The following PPFIA2 variants were observed in gnomAD, a reference collection of about 807,000 sequenced individuals.
PPFIA2 encodes liprin-alpha-2.
Under a neutral mutation model 175.5 loss-of-function variants are expected in PPFIA2, and 46 were observed. That is an observed-to-expected ratio of 0.26 (90% CI 0.21 to 0.34). PPFIA2 has a LOEUF of 0.34. PPFIA2 is among the 10% of genes least tolerant of loss of function. The pLI is 1.00. For synonymous variants in PPFIA2, 568 were observed against 511.4 expected, an observed-to-expected ratio of 1.11 and a Z score of -1.49; for missense variants, 1,179 against 1,506.1, an observed-to-expected ratio of 0.78 and a Z score of 3.60.
chr12:81,627,409 T>C (rs1316941032), intron 4 of PPFIA2, among the ~76,000 whole-genome samples: 1 of 152,108 alleles, frequency 6.6e-6, no homozygotes, highest in Non-Finnish European at 1.5e-5. Context: ...CCCATAAATA[T>C]GTGCAACTAT....
intron 21 of PPFIA2, among the ~76,000 whole-genome samples, chr12:81,333,519 A>G (rs539604541): frequency 6.6e-6 from 1 of 152,294 alleles, no homozygotes; most frequent in South Asian, 2.1e-4. Context: ...CTGTTCTTTT[A>G]TCATAGCAGA....
chr12:81,499,359 A>G (rs2060353015), intron 4 of PPFIA2, among the ~76,000 whole-genome samples: 1 of 152,128 alleles, frequency 6.6e-6, no homozygotes. Flanking sequence ...TATCTCTTTC[A>G]TTTTATCTTC....
chr12:81,275,933 T>G (rs928455723), intron 28 of PPFIA2, among the ~76,000 whole-genome samples: 1 of 151,834 alleles, frequency 6.6e-6, no homozygotes, highest in Non-Finnish European at 1.5e-5. Context: ...TACAGGCGCC[T>G]GCCACCACGC....
At chr12:81,559,825 T>G (rs7132233) in intron 4 of PPFIA2, among the ~76,000 whole-genome samples, 37,642 of 151,240 alleles carry the variant, frequency 0.25, 4,863 homozygotes, top group Middle Eastern at 0.31. Flanking sequence ...TGTTGTTGTT[T>G]TTTTGCAATC....
chr12:81,671,870 T>C (rs2071490230), intron 4 of PPFIA2, among the ~76,000 whole-genome samples: 1 of 138,932 alleles, frequency 7.2e-6, no homozygotes, highest in Non-Finnish European at 1.7e-5. Flanking sequence ...TAAATTATTA[T>C]TTTCTATTTG....
At chr12:81,378,387 C>T (rs1023920678) in intron 9 of PPFIA2, among the ~76,000 whole-genome samples, 24 of 151,808 alleles carry the variant, frequency 1.6e-4, no homozygotes, top group African/African-American at 5.3e-4. Context: ...ATTATGTTGA[C>T]ATTAAAGTGC....
At position 81,642,795 on chromosome 12, in the gene PPFIA2, ATATG is replaced by A. The variant is rs1285076447; in HGVS notation, c.303+33992_303+33995del. Among the ~76,000 whole-genome samples the A allele has an allele frequency of 5.8e-5, 2 of 34,372 alleles. 1 individual carries two copies. Among genetic ancestry groups the A allele is most frequent in the Non-Finnish European group, 1.1e-4 (2 of 18,536 alleles). 22.5% of individuals were successfully genotyped at this position (34,372 alleles called of 152,430 possible). A position where few individuals can be genotyped will look rare whatever the true frequency, so the allele number is the denominator to read the frequency against. ...ATGTATGTATTATATACATACATGTATATGTATGTATGTATTACATACATGTATA... is the reference window on the plus strand; with the variant it reads ...ATGTATGTATTATATACATACATGTATATGTATGTATTACATACATGTATA... On this transcript the variant is annotated intron_variant, in intron 4 of 32. Coordinates refer to ENST00000549396, the MANE Select transcript of PPFIA2 (RefSeq NM_003625.5).
At chr12:81,429,529 C>T (rs1353987987) in intron 7 of PPFIA2, among the ~76,000 whole-genome samples, 2 of 151,998 alleles carry the variant, frequency 1.3e-5, no homozygotes, top group African/African-American at 2.4e-5. Context: ...CAGCAAATCT[C>T]CTACTTTCTC....
chr12:81,459,309 C>A (rs2054120570), intron 4 of PPFIA2, among the ~76,000 whole-genome samples: 1 of 152,062 alleles, frequency 6.6e-6, no homozygotes, highest in African/African-American at 2.4e-5. Flanking sequence ...ATAAAATTTT[C>A]TTCATATACA....
intron 29 of PPFIA2, 148 bp downstream of exon 29, chr12:81,267,764 G>T: frequency 4.2e-6 from 2 of 476,112 alleles, no homozygotes; most frequent in East Asian, 5.6e-5. Flanking sequence ...AAATCCACTA[G>T]CCTGAAATTA....
At chr12:81,474,122 G>A (rs900839662) in intron 4 of PPFIA2, among the ~76,000 whole-genome samples, 1 of 151,822 alleles carries the variant, frequency 6.6e-6, no homozygotes, top group African/African-American at 2.4e-5. Context: ...CATTTCCTTC[G>A]TGTAGAATTG....
At chr12:81,566,376 C>T (rs1467296026) in intron 4 of PPFIA2, among the ~76,000 whole-genome samples, 1 of 151,516 alleles carries the variant, frequency 6.6e-6, no homozygotes, top group African/African-American at 2.4e-5. Flanking sequence ...ATACAAAAAT[C>T]AGCTAGGCTT....
At chr12:81,425,184 A>C (rs547619141) in intron 7 of PPFIA2, among the ~76,000 whole-genome samples, 2 of 152,256 alleles carry the variant, frequency 1.3e-5, no homozygotes, top group South Asian at 4.1e-4. Context: ...ATAACCTCGT[A>C]ATGTGGGGAT....
intron 15 of PPFIA2, among the ~76,000 whole-genome samples, chr12:81,362,151 T>C (rs1340254677): frequency 6.6e-6 from 1 of 151,266 alleles, no homozygotes; most frequent in Admixed American, 6.6e-5. Flanking sequence ...AAGTTTTTGT[T>C]TTCTTTTCTT....
chr12:81,420,436 G>T (rs2046037537), intron 7 of PPFIA2, among the ~76,000 whole-genome samples: 1 of 151,750 alleles, frequency 6.6e-6, no homozygotes, highest in Admixed American at 6.6e-5. Flanking sequence ...AAAATAATCA[G>T]CAGAACAATA....
chr12:81,560,461 G>A (rs1194520783), intron 4 of PPFIA2, among the ~76,000 whole-genome samples: 1 of 152,098 alleles, frequency 6.6e-6, no homozygotes, highest in Non-Finnish European at 1.5e-5. Context: ...AGAGTCATAT[G>A]TGTTTTAAAA....
intron 4 of PPFIA2, among the ~76,000 whole-genome samples, chr12:81,462,254 CAT>C (rs71871906): frequency 0.16 from 21,301 of 132,664 alleles, 2,216 homozygotes; most frequent in East Asian, 0.4. Context: ...GCTTTTCTAA[CAT>C]ATATATATAT....
At chr12:81,641,332 A>G (rs2064941478) in intron 4 of PPFIA2, among the ~76,000 whole-genome samples, 1 of 152,148 alleles carries the variant, frequency 6.6e-6, no homozygotes, top group Non-Finnish European at 1.5e-5. Context: ...TTATCTCACC[A>G]TATGTAGCAT....
At chr12:81,390,538 T>C (rs1266254937) in intron 8 of PPFIA2, among the ~76,000 whole-genome samples, 2 of 152,094 alleles carry the variant, frequency 1.3e-5, no homozygotes, top group African/African-American at 4.8e-5. Flanking sequence ...AAGTTGGACA[T>C]CTTTTCATGT....
Sources: allele counts gnomAD v4.1 joint callset (sites outside exome capture counted in the v4.1 genomes callset), GRCh38; gene constraint gnomAD v4.1.1; transcripts MANE v1.5; gene names NCBI Gene and HGNC (gene_info 2026-07-23, HGNC 2026-07-21).